The following NSD1 variants were observed in gnomAD, a reference collection of about 807,000 sequenced individuals.
The protein encoded by NSD1 is nuclear receptor binding SET domain protein 1.
Under a neutral mutation model 242.7 loss-of-function variants are expected in NSD1, and 26 were observed. The ratio of observed to expected loss-of-function variants is 0.11; its 90% CI spans 0.08 to 0.15. The LOEUF is 0.15. Among genes scored for constraint, NSD1 ranks in the 10% least tolerant of loss-of-function variants. The pLI is 1.00. For missense variants in NSD1, 2,495 were observed against 3,272.8 expected (o/e 0.76, Z 5.80); for synonymous variants, 1,106 against 1,178.1 (o/e 0.94, Z 1.25).
chr5:177,271,582 C>T (rs1757946279), intron 16 of NSD1, among the ~76,000 whole-genome samples: 1 of 152,184 alleles, frequency 6.6e-6, no homozygotes, highest in Non-Finnish European at 1.5e-5. Flanking sequence ...AAATGTGATA[C>T]ATTTTACCAA....
chr5:177,135,874 C>T lies in NSD1; in HGVS notation c.771C>T (p.Pro257=), dbSNP rs1228632642. The change falls in exon 2 of 23, where the codon CCC becomes CCT. Residue 257 remains proline (P), a synonymous_variant. Transcript: ENST00000439151. ...AAAAAGCAGCCCTTCTCCCAGCCCC[C>T]TTTTCACTAGGAGACACAAACATTA... ...SNEKAALLPA[P]FSLGDTNITI... 1.2e-6 allele frequency: 2 copies of T among 1,607,510 alleles called. No homozygotes were observed. The highest frequency in any genetic ancestry group is 8.5e-7 in the Non-Finnish European group (1 of 1,174,960).
chr5:177,192,581 A>G (rs932289823), intron 3 of NSD1, among the ~76,000 whole-genome samples: 5 of 152,050 alleles, frequency 3.3e-5, no homozygotes, highest in African/African-American at 9.7e-5. Flanking sequence ...TTTTTAGTAG[A>G]AACGGGGTTT....
chr5:177,196,717 G>T (rs190576218), intron 3 of NSD1, among the ~76,000 whole-genome samples: 116 of 152,292 alleles, frequency 7.6e-4, no homozygotes, highest in African/African-American at 2.7e-3. Context: ...GATACTATGA[G>T]ACAAAAGGTA....
At chr5:177,189,881 G>C (rs1020359397) in intron 2 of NSD1, among the ~76,000 whole-genome samples, 1 of 151,986 alleles carries the variant, frequency 6.6e-6, no homozygotes, top group Non-Finnish European at 1.5e-5. Flanking sequence ...TCGATTCTTG[G>C]TATCTCTTAA....
At chr5:177,182,032 G>C (rs1760732898) in intron 2 of NSD1, among the ~76,000 whole-genome samples, 2 of 151,920 alleles carry the variant, frequency 1.3e-5, no homozygotes, top group Admixed American at 6.6e-5. Context: ...GGCGTCTGTA[G>C]TCCTAGCTAC....
At chr5:177,241,818 C>T (rs35133726) in intron 8 of NSD1, among the ~76,000 whole-genome samples, 3,202 of 152,230 alleles carry the variant, frequency 0.021, 58 homozygotes, top group Non-Finnish European at 0.029. Flanking sequence ...AAGGCTAAAG[C>T]CATGATTCAG....
chr5:177,259,766 C>G (rs1284053555), intron 13 of NSD1, among the ~76,000 whole-genome samples: 1 of 152,130 alleles, frequency 6.6e-6, no homozygotes, highest in Non-Finnish European at 1.5e-5. Context: ...TTGAAGCAGG[C>G]TCACTGACAG....
chr5:177,184,595 C>G (rs1045905183), intron 2 of NSD1, among the ~76,000 whole-genome samples: 78 of 151,996 alleles, frequency 5.1e-4, no homozygotes, highest in Non-Finnish European at 7.5e-4. Context: ...GTGGGGCAGT[C>G]ATGGCTCAGT....
At chr5:177,271,930 TAG>T (rs1476154887) in intron 16 of NSD1, among the ~76,000 whole-genome samples, 1 of 152,074 alleles carries the variant, frequency 6.6e-6, no homozygotes, top group African/African-American at 2.4e-5. Context: ...GAGACCAGCC[TAG>T]CCAACACATT....
Position 177,298,837 on chromosome 5 carries a change from A to G in NSD1, c.*3378A>G, listed in dbSNP as rs1469439134. On this transcript the variant is annotated 3_prime_UTR_variant, in exon 23 of 23. Coordinates refer to ENST00000439151, the MANE Select transcript of NSD1 (RefSeq NM_022455.5). The stretch of plus-strand genomic sequence containing the variant: ...GTAATGAGGACAGCATGAAACTTGG[A>G]TAGGTTTTACCCTTAGTCCCTATAA... 4.3e-6 allele frequency: 1 copy of G among 232,994 alleles called. No individual in the cohort carries two copies. Among genetic ancestry groups the G allele is most frequent in the East Asian group, 6.0e-5 (1 of 16,580 alleles). The allele number at this position is 232,994 out of a possible 1,614,324, so 14.4% of individuals were successfully genotyped here. A position where few individuals can be genotyped will look rare whatever the true frequency, so the allele number is the denominator to read the frequency against.
At chr5:177,286,836 C>T (rs1310997153) in intron 20 of NSD1, among the ~76,000 whole-genome samples, 1 of 152,114 alleles carries the variant, frequency 6.6e-6, no homozygotes, top group African/African-American at 2.4e-5. Context: ...TTCTTTTTTT[C>T]CTGTGTTCAT....
At chr5:177,239,966 A>G in intron 8 of NSD1, 101 bp downstream of exon 8, 2 of 718,980 alleles carry the variant, frequency 2.8e-6, no homozygotes. Flanking sequence ...GTACATACAT[A>G]TAGAAATTAG....
chr5:177,140,081 G>T (rs1299036377), intron 2 of NSD1, among the ~76,000 whole-genome samples: 2 of 152,162 alleles, frequency 1.3e-5, no homozygotes, highest in Non-Finnish European at 2.9e-5. Flanking sequence ...TGGACTGTTT[G>T]CCTCTTGTCA....
chr5:177,152,619 A>G (rs976649971), intron 2 of NSD1, among the ~76,000 whole-genome samples: 9 of 150,620 alleles, frequency 6.0e-5, no homozygotes, highest in African/African-American at 2.2e-4. Context: ...ATGCCTGGCT[A>G]ATTTTTTGTA....
Position 177,164,282 on chromosome 5 carries a change from G to C in NSD1, c.928-27602G>C, listed in dbSNP as rs1758997387. 2.0e-5 allele frequency among the ~76,000 whole-genome samples: 3 copies of C among 151,312 alleles called. No homozygotes were observed. The South Asian group carries it at 6.3e-4, about 32-fold the overall frequency. ...AGCAGTTCTCCTGCCTCAGCCTCCTGAGTAGCTGGGATTACAGGCGCCTGC... is the reference window on the plus strand; with the variant it reads ...AGCAGTTCTCCTGCCTCAGCCTCCTCAGTAGCTGGGATTACAGGCGCCTGC... On this transcript the variant is annotated intron_variant, in intron 2 of 22. Transcript: ENST00000439151.
At chr5:177,258,698 G>T (rs1756739135) in intron 13 of NSD1, among the ~76,000 whole-genome samples, 3 of 151,996 alleles carry the variant, frequency 2.0e-5, no homozygotes, top group Admixed American at 1.3e-4. Context: ...ACCATGCCCA[G>T]CTAATTTTTG....
At chr5:177,165,218 C>G (rs1484165112) in intron 2 of NSD1, among the ~76,000 whole-genome samples, 1 of 152,204 alleles carries the variant, frequency 6.6e-6, no homozygotes, top group Non-Finnish European at 1.5e-5. Flanking sequence ...GTCACCCAGG[C>G]TGGAGTACAG....
At chr5:177,257,958 G>A (rs964981781) in intron 13 of NSD1, among the ~76,000 whole-genome samples, 6 of 136,212 alleles carry the variant, frequency 4.4e-5, no homozygotes, top group South Asian at 2.4e-4. Context: ...GCCACCACGC[G>A]TGGCCCCCCT....
intron 2 of NSD1, among the ~76,000 whole-genome samples, chr5:177,151,243 G>A (rs1294623804): frequency 1.3e-5 from 2 of 152,144 alleles, no homozygotes; most frequent in Non-Finnish European, 2.9e-5. Flanking sequence ...AGGTGTGATG[G>A]CGGGTGCCTG....
Sources: gnomAD v4.1 joint callset for allele counts (sites outside exome capture counted in the v4.1 genomes callset) on GRCh38, gnomAD v4.1.1 for gene constraint, MANE v1.5 for transcripts, NCBI Gene and HGNC (gene_info 2026-07-23, HGNC 2026-07-21) for gene names.